The following NOTCH1 variants were observed in gnomAD, a reference collection of about 807,000 sequenced individuals.
The protein encoded by NOTCH1 is neurogenic locus notch homolog protein 1.
Under a neutral mutation model 254.8 loss-of-function variants are expected in NOTCH1, and 37 were observed. The ratio of observed to expected loss-of-function variants is 0.15; its 90% CI spans 0.11 to 0.19. The LOEUF is 0.19. NOTCH1 is among the 10% of genes least tolerant of loss of function. NOTCH1 has a pLI of 1.00. For missense variants in NOTCH1, 2,972 were observed against 3,708.6 expected (o/e 0.80, Z 5.16); for synonymous variants, 1,731 against 1,618.1 (o/e 1.07, Z -1.68).
intron 2 of NOTCH1, among the ~76,000 whole-genome samples, chr9:136,526,517 G>A (rs896963073): frequency 4.6e-5 from 7 of 152,236 alleles, no homozygotes; most frequent in African/African-American, 1.7e-4. Context: ...GCAAGACGGG[G>A]AGGAGGGGCA....
At position 136,506,612 on chromosome 9, in the gene NOTCH1, C is replaced by A. The variant is rs1482708510; in HGVS notation, c.3929G>T (p.Gly1310Val). 6.2e-7 allele frequency: 1 copy of A among 1,610,852 alleles called. No homozygotes were observed. The highest frequency in any genetic ancestry group is 8.5e-7 in the Non-Finnish European group (1 of 1,179,348). The change falls in exon 24 of 34, where the codon GGC (glycine) becomes GTC (valine). Residue 1310 changes from glycine to valine, a missense_variant. Transcript: ENST00000651671. The surrounding 1 kb of genome is among the most constrained non-coding windows in gnomAD (Gnocchi z 4.5). ...ATTCTTGCAGGGCTTGCCTTTGCAG[C>A]CATTGATGACGGACTCGCAGCGGCG... ...TGRRCESVIN[G>V]CKGKPCKNGG...
At position 136,497,076 on chromosome 9, in the gene NOTCH1, G is replaced by A. The variant is rs748384887; in HGVS notation, c.6663C>T (p.Ser2221=). 3 of 1,609,856 alleles carry A rather than the reference G, an allele frequency of 1.9e-6. No individual in the cohort carries two copies. The highest frequency in any genetic ancestry group is 2.2e-5 in the East Asian group (1 of 44,774). ...SDVASPPLLP[S]PFQQSPSVPL... The stretch of plus-strand genomic sequence containing the variant: ...GCACGGACGGAGACTGCTGGAACGG[G>A]GAGGGCAGCAGTGGCGGCGAGGCCA... The change falls in exon 34 of 34, where the codon TCC becomes TCT. Residue 2221 remains serine, a synonymous_variant. Transcript: ENST00000651671.
At chr9:136,527,559 G>C (rs903188725) in intron 2 of NOTCH1, among the ~76,000 whole-genome samples, 1 of 152,176 alleles carries the variant, frequency 6.6e-6, no homozygotes, top group Non-Finnish European at 1.5e-5. Flanking sequence ...GACCCCTCTG[G>C]GGCTAAAAAG....
chr9:136,511,153 T>A lies in NOTCH1; in HGVS notation c.2586A>T (p.Gln862His), dbSNP rs1156367737. 6.2e-7 allele frequency: 1 copy of A among 1,612,856 alleles called. No individual in the cohort carries two copies. The highest frequency in any genetic ancestry group is 1.1e-5 in the South Asian group (1 of 91,078). ...TCACCGGGCCCTGGCCAGCCTCACC[T>A]TGCCAGCCCGTGGGGCAGACACAGG... ...SFSCVCPTGW[Q>H]GQTCEVDINE... The change falls in exon 16 of 34, where the codon CAA becomes CAT. Residue 862 changes from glutamine to histidine, a missense_variant and splice_region_variant. By Grantham distance (24) the Gln-to-His change is conservative. Transcript: ENST00000651671.
Position 136,506,568 on chromosome 9 carries a change from C to T in NOTCH1, c.3973G>A (p.Ala1325Thr), listed in dbSNP as rs767910007. The stretch of plus-strand genomic sequence containing the variant: ...ATGAACCCGCGGGCGGTGTTGGAGG[C>T]CACGGCGCAGGTGCCCCCATTCTTG... Reference protein sequence around the residue: ...PCKNGGTCAVASNTARGFICK... With the variant: ...PCKNGGTCAVTSNTARGFICK... The change falls in exon 24 of 34, where the codon GCC becomes ACC. Residue 1325 changes from alanine to threonine, a missense_variant. By Grantham distance (58) the Ala-to-Thr change is moderately conservative. Coordinates refer to ENST00000651671, the MANE Select transcript of NOTCH1 (RefSeq NM_017617.5). This position sits in a 1 kb window ranked among gnomAD's most constrained non-coding sequence, Gnocchi z 4.5. The T allele has an allele frequency of 9.3e-6, 15 of 1,610,280 alleles. No homozygotes were observed. The East Asian group carries it at 3.3e-4, about 36-fold the overall frequency.
In NOTCH1 at chr9:136,507,449, A is replaced by G; in HGVS notation, c.3511-12T>C. 1 of 1,597,070 alleles carries G rather than the reference A, an allele frequency of 6.3e-7. No individual in the cohort carries two copies. The highest frequency in any genetic ancestry group is 8.5e-7 in the Non-Finnish European group (1 of 1,173,206). ...TAGCCGGCCACGCACTGTGCAGGCG[A>G]CAGAACGAGGGGCCCTTCGGCTCAG... is the stretch of plus-strand genomic sequence containing the variant. On this transcript the variant is annotated splice_polypyrimidine_tract_variant and intron_variant, in intron 21 of 33. Coordinates refer to ENST00000651671, the MANE Select transcript of NOTCH1 (RefSeq NM_017617.5).
chr9:136,513,280 G>A lies in NOTCH1; in HGVS notation c.2353+112C>T, dbSNP rs537344675. The A allele has an allele frequency of 2.6e-5, 40 of 1,544,088 alleles. No individual in the cohort carries two copies. Among genetic ancestry groups the A allele is most frequent in the South Asian group, 2.3e-4 (20 of 88,292 alleles). ...AGGCCTGGAGCTAAGGCTTTGCCAC[G>A]GGAGGGAGACACCATGCATGGTGCT... On this transcript the variant is annotated intron_variant, in intron 14 of 33. Transcript: ENST00000651671. This position sits in a 1 kb window ranked among gnomAD's most constrained non-coding sequence, Gnocchi z 4.7.
intron 18 of NOTCH1, 22 bp downstream of exon 18, chr9:136,509,711 G>A (rs1843147272): frequency 6.2e-7 from 1 of 1,606,160 alleles, no homozygotes; most frequent in Non-Finnish European, 8.5e-7. Context: ...CCCTTCCACG[G>A]CCTCACTCGA....
In NOTCH1 at chr9:136,540,479, A is replaced by C. The variant is rs1843717322; in HGVS notation, c.140+3545T>G. On this transcript the variant is annotated intron_variant, in intron 2 of 33. Coordinates refer to ENST00000651671, the MANE Select transcript of NOTCH1 (RefSeq NM_017617.5). This position sits in a 1 kb window ranked among gnomAD's most constrained non-coding sequence, Gnocchi z 4.4. ...TCTGAATTCACTCGTCAATCAATTA[A>C]ACATTCAGGAAGGAGGCTCTGGAAA... Among the ~76,000 whole-genome samples, 1 of 152,186 alleles carries C rather than the reference A, an allele frequency of 6.6e-6. No individual in the cohort carries two copies. Among genetic ancestry groups the C allele is most frequent in the Admixed American group, 6.5e-5 (1 of 15,278 alleles).
chr9:136,522,326 AT>A (rs1442211427), intron 4 of NOTCH1, among the ~76,000 whole-genome samples: 4 of 152,096 alleles, frequency 2.6e-5, no homozygotes, highest in Admixed American at 6.5e-5. Flanking sequence ...CTGCTGCAAA[AT>A]TTACTCAAAC....
At chr9:136,500,386 C>T (rs549044040) in intron 31 of NOTCH1, among the ~76,000 whole-genome samples, 166 bp downstream of exon 31, 20 of 152,356 alleles carry the variant, frequency 1.3e-4, no homozygotes, top group African/African-American at 3.8e-4. Flanking sequence ...GACGCCCTCC[C>T]CCTCGCACCT....
chr9:136,520,298 C>G (rs1293258240), intron 4 of NOTCH1, among the ~76,000 whole-genome samples: 1 of 152,164 alleles, frequency 6.6e-6, no homozygotes, highest in Non-Finnish European at 1.5e-5. Flanking sequence ...CCTTGGAGCT[C>G]CCACCTGCTC....
chr9:136,541,135 A>T (rs1375386914), intron 2 of NOTCH1, among the ~76,000 whole-genome samples: 1 of 152,130 alleles, frequency 6.6e-6, no homozygotes, highest in African/African-American at 2.4e-5. Context: ...CACCTCGCAC[A>T]GCAGCTGCCC....
chr9:136,494,926 C>T lies in NOTCH1; in HGVS notation c.*1145G>A, dbSNP rs113845544. 13 of 398,730 alleles carry T rather than the reference C, an allele frequency of 3.3e-5. No homozygotes were observed. Among genetic ancestry groups the T allele is most frequent in the East Asian group, 7.1e-5 (2 of 28,206 alleles). 24.7% of individuals were successfully genotyped at this position (398,730 alleles called of 1,614,324 possible). A position where few individuals can be genotyped will look rare whatever the true frequency, so the allele number is the denominator to read the frequency against. Reference sequence around the variant, plus strand: ...CCCCCGCCTCCCTCCAGCCCCTGCCCGACCGCATGCCCCCTGCCAGGGCTG... The same window carrying T: ...CCCCCGCCTCCCTCCAGCCCCTGCCTGACCGCATGCCCCCTGCCAGGGCTG... On this transcript the variant is annotated 3_prime_UTR_variant, in exon 34 of 34. Coordinates refer to ENST00000651671, the MANE Select transcript of NOTCH1 (RefSeq NM_017617.5).
rs1197184303 is a variant in NOTCH1, at chr9:136,497,207, C to T, written c.6532G>A (p.Ala2178Thr). 4 of 1,612,790 alleles carry T rather than the reference C, an allele frequency of 2.5e-6. No individual in the cohort carries two copies. In the South Asian group the frequency reaches 4.4e-5, roughly 18 times the overall value. ...CGSKEAKDLKARRKKSQDGKG... is the reference protein window; with the variant it reads ...CGSKEAKDLKTRRKKSQDGKG... Reference sequence around the variant, plus strand: ...CCGTCCTGGGACTTCTTCCTCCGTGCCTTGAGGTCCTTGGCCTCCTTGCTT... The same window carrying T: ...CCGTCCTGGGACTTCTTCCTCCGTGTCTTGAGGTCCTTGGCCTCCTTGCTT... The change falls in exon 34 of 34, where the codon GCA (alanine) becomes ACA (threonine). Residue 2178 changes from alanine to threonine, a missense_variant. Coordinates refer to ENST00000651671, the MANE Select transcript of NOTCH1 (RefSeq NM_017617.5).
intron 2 of NOTCH1, among the ~76,000 whole-genome samples, chr9:136,534,090 C>T (rs1589078800): frequency 6.6e-6 from 1 of 152,240 alleles, no homozygotes; most frequent in Non-Finnish European, 1.5e-5. Flanking sequence ...GCCCTCATGG[C>T]TGAGGGCTTT....
rs2133319275 is a variant in NOTCH1 at position 136,497,475 on chromosome 9, G to A, written c.6264C>T (p.Asp2088=). ...KVLLDHFANR[D]ITDHMDRLPR... ...GCAGGCGGTCCATATGATCCGTGAT[G>A]TCCCGGTTGGCAAAGTGGTCCAGCA... The change falls in exon 34 of 34, where the codon GAC becomes GAT. Residue 2088 remains aspartate (D), a synonymous_variant. Coordinates refer to ENST00000651671, the MANE Select transcript of NOTCH1 (RefSeq NM_017617.5). 1 of 1,612,380 alleles carries A rather than the reference G, an allele frequency of 6.2e-7. No individual in the cohort carries two copies. The highest frequency in any genetic ancestry group is 8.5e-7 in the Non-Finnish European group (1 of 1,179,862).
Position 136,545,924 on chromosome 9 carries a change from C to A in NOTCH1, c.-138G>T, listed in dbSNP as rs900924178. 4.2e-5 allele frequency: 12 copies of A among 288,924 alleles called. No homozygotes were observed. Among genetic ancestry groups the A allele is most frequent in the Non-Finnish European group, 6.1e-5 (11 of 178,990 alleles). 17.9% of individuals were successfully genotyped at this position (288,924 alleles called of 1,614,324 possible). A position where few individuals can be genotyped will look rare whatever the true frequency, so the allele number is the denominator to read the frequency against. On this transcript the variant is annotated 5_prime_UTR_variant, in exon 1 of 34. Coordinates refer to ENST00000651671, the MANE Select transcript of NOTCH1 (RefSeq NM_017617.5). The surrounding 1 kb of genome is among the most constrained non-coding windows in gnomAD (Gnocchi z 6.8). ...CCTCTCTTCCCCGGCTGGCTGGCGG[C>A]GCTGTGCTCTCGCAGGCCCCCGGGC... is the stretch of plus-strand genomic sequence containing the variant.
At chr9:136,530,000 T>C (rs1215988509) in intron 2 of NOTCH1, among the ~76,000 whole-genome samples, 2 of 100,512 alleles carry the variant, frequency 2.0e-5, no homozygotes, top group Non-Finnish European at 4.5e-5. Context: ...ACGGGGGCCC[T>C]GCCCTGGCTC....
Sources: gnomAD v4.1 joint callset for allele counts (sites outside exome capture counted in the v4.1 genomes callset) on GRCh38, gnomAD v4.1.1 for gene constraint, Gnocchi (gnomAD v3.1) non-coding constraint, MANE v1.5 for transcripts, NCBI Gene and HGNC (gene_info 2026-07-23, HGNC 2026-07-21) for gene names.